Variants in RHOC observed in about 807,000 individuals in gnomAD.
The protein encoded by RHOC is rho-related GTP-binding protein RhoC.
Under a neutral mutation model 19.5 loss-of-function variants are expected in RHOC, and 13 were observed. The ratio of observed to expected loss-of-function variants is 0.67; its 90% CI spans 0.43 to 1.06. The LOEUF (loss-of-function observed/expected upper bound fraction) is 1.06. Ranked by LOEUF, RHOC falls within the 50% of genes least tolerant of loss-of-function variation. The probability of loss-of-function intolerance (pLI) is 0.00; values close to 1 mark genes in which losing one functional copy is unlikely to be tolerated. For missense variants in RHOC, 173 were observed against 256.9 expected, an observed-to-expected ratio of 0.67 and a Z score of 2.23; for synonymous variants, 106 against 97.3, an observed-to-expected ratio of 1.09 and a Z score of -0.52.
chr1:112,706,523 C>CAA (rs1674897544), intron 1 of RHOC, among the ~76,000 whole-genome samples: 2 of 113,768 alleles, frequency 1.8e-5, no homozygotes, highest in Non-Finnish European at 3.6e-5. Flanking sequence ...CACACACACA[C>CAA]ACACACACAC....
At chr1:112,702,972 T>TC in intron 4 of RHOC, 27 bp downstream of exon 4, 1 of 1,613,356 alleles carries the variant, frequency 6.2e-7, no homozygotes, top group African/African-American at 1.3e-5. Context: ...CAAGGGGTTC[T>TC]CAGTCCCCTC....
rs1304057988 is a variant in RHOC, at chr1:112,701,595, C to A, written c.527G>T (p.Arg176Leu). ...GTTCTTGCGGACCTGGAGGCCAGCC[C>A]GAGTGGCCATCTCAAACACCTCCCG... Reference protein sequence around the residue: ...GVREVFEMATRAGLQVRKNKR... With the variant: ...GVREVFEMATLAGLQVRKNKR... Residue 176 changes from arginine to leucine, a missense_variant, in exon 6 of 6, where the codon CGG (arginine) becomes CTG (leucine). By Grantham distance (102) the Arg-to-Leu change is moderately radical (BLOSUM62 -2). Transcript: ENST00000339083. The A allele has an allele frequency of 1.9e-6, 3 of 1,614,054 alleles. No homozygotes were observed. The highest frequency in any genetic ancestry group is 2.5e-6 in the Non-Finnish European group (3 of 1,179,974).
chr1:112,706,458 CACACACCACACACACACACACACA>C (rs1674862477), intron 1 of RHOC, among the ~76,000 whole-genome samples: 39 of 24,886 alleles, frequency 1.6e-3, no homozygotes, highest in African/African-American at 5.2e-3. Context: ...CACACACACA[CACACACCACACACACACACACACA>C]CACACACACA....
rs1275916725 is a variant in RHOC, at chr1:112,702,973, C to CT, written c.277+25_277+26insA. 5.6e-6 allele frequency: 9 copies of CT among 1,612,116 alleles called. No homozygotes were observed. In the East Asian group the frequency reaches 2.0e-4, roughly 36 times the overall value. ...CCTCTGGCTGATTCCAAGGGGTTCT[C>CT]AGTCCCCTCCCTCCAATCCCCTCAC... On this transcript the variant is annotated intron_variant, in intron 4 of 5. Transcript: ENST00000339083.
At chr1:112,705,209 G>A in intron 1 of RHOC, 41 bp from the exon 2 acceptor site, 1 of 701,966 alleles carries the variant, frequency 1.4e-6, no homozygotes, top group Non-Finnish European at 2.6e-6. Context: ...GGGCTGGGAG[G>A]AGCCCCAAAA....
chr1:112,702,428 G>C, intron 5 of RHOC, 135 bp downstream of exon 5: 2 of 916,404 alleles, frequency 2.2e-6, no homozygotes, highest in Admixed American at 4.8e-5. Flanking sequence ...AACCCTATGG[G>C]TCCTCCCTCA....
At chr1:112,702,899 TCCCCAC>T in intron 4 of RHOC, 94 bp downstream of exon 4, 2 of 1,452,212 alleles carry the variant, frequency 1.4e-6, no homozygotes, top group Non-Finnish European at 1.9e-6. Flanking sequence ...CTCCCCTGCA[TCCCCAC>T]CCCCACCTCT....
chr1:112,703,401 A>T, intron 3 of RHOC: 2 of 714,668 alleles, frequency 2.8e-6, no homozygotes, highest in Non-Finnish European at 5.0e-6. Flanking sequence ...CCCATTTTGC[A>T]GGTGGGGGAG....
chr1:112,702,734 A>G (rs767929303), intron 4 of RHOC, 41 bp from the exon 5 acceptor site: 5 of 1,611,812 alleles, frequency 3.1e-6, no homozygotes, highest in Non-Finnish European at 3.4e-6. Context: ...GCCTCCACTT[A>G]AGCTAGAAAG....
intron 3 of RHOC, 42 bp from the exon 4 acceptor site, chr1:112,703,161 A>G (rs373016748): frequency 6.2e-7 from 1 of 1,609,756 alleles, no homozygotes; most frequent in Non-Finnish European, 8.5e-7. Context: ...GAGGGCCCCA[A>G]CCCTGCCACC....
At chr1:112,706,475 CACACACACACACACACACACACACACACA>C in intron 1 of RHOC, among the ~76,000 whole-genome samples, 1 of 3,576 alleles carries the variant, frequency 2.8e-4, no homozygotes, top group Admixed American at 2.8e-3. Context: ...CACACACACA[CACACACACACACACACACACACACACACA>C]CACACACACA....
intron 3 of RHOC, 124 bp from the exon 4 acceptor site, chr1:112,703,243 G>T: frequency 9.7e-7 from 1 of 1,027,622 alleles, no homozygotes; most frequent in Non-Finnish European, 1.4e-6. Flanking sequence ...TATGCACCAG[G>T]CATTATATTA....
Position 112,701,371 on chromosome 1 carries a change from G to C in RHOC, c.*169C>G. 2 of 1,519,122 alleles carry C rather than the reference G, an allele frequency of 1.3e-6. No individual in the cohort carries two copies. The highest frequency in any genetic ancestry group is 1.8e-6 in the Non-Finnish European group (2 of 1,130,114). The allele number at this position is 1,519,122 out of a possible 1,614,324, so 94.1% of individuals were successfully genotyped here. ...AGGCGTGGCTCCCAGAGCGCTGGGA[G>C]GGAGGGCCCGTGCCACCACCTCGGG... On this transcript the variant is annotated 3_prime_UTR_variant, in exon 6 of 6. Transcript: ENST00000339083.
chr1:112,706,454 CACACACACACCACACACACACA>C (rs1674857849), intron 1 of RHOC, among the ~76,000 whole-genome samples: 21 of 95,408 alleles, frequency 2.2e-4, no homozygotes, highest in African/African-American at 6.0e-4. Context: ...CACACACACA[CACACACACACCACACACACACA>C]CACACACACA....
At position 112,705,182 on chromosome 1, in the gene RHOC, G is replaced by T; in HGVS notation, c.-76-14C>A. The T allele has an allele frequency of 4.3e-6, 3 of 702,482 alleles. No individual in the cohort carries two copies. The highest frequency in any genetic ancestry group is 7.8e-6 in the Non-Finnish European group (3 of 384,954). The allele number at this position is 702,482 out of a possible 1,614,324, so 43.5% of individuals were successfully genotyped here. On this transcript the variant is annotated splice_polypyrimidine_tract_variant and intron_variant, in intron 1 of 5. Transcript: ENST00000339083. ...ATGAAGTCAAGGCTGTTGGGAAGGG[G>T]GAGGGGGCTAGAGTCTGGGCTGGGA...
intron 1 of RHOC, among the ~76,000 whole-genome samples, chr1:112,706,435 A>T (rs1010123301): frequency 7.0e-5 from 2 of 28,746 alleles, no homozygotes; most frequent in Non-Finnish European, 1.6e-4. Context: ...CTCTCTACAC[A>T]CACACACACA....
chr1:112,705,033 A>G, intron 2 of RHOC, 67 bp downstream of exon 2: 1 of 699,848 alleles, frequency 1.4e-6, no homozygotes, highest in East Asian at 2.7e-5. Context: ...CACAGCGAGC[A>G]TCTGCACAGT....
chr1:112,702,444 A>T, intron 5 of RHOC, 119 bp downstream of exon 5: 1 of 1,079,358 alleles, frequency 9.3e-7, no homozygotes, highest in East Asian at 2.4e-5. Context: ...CCTCACCAGG[A>T]GATATTACTG....
Position 112,701,203 on chromosome 1 carries a change from C to T in RHOC, c.*337G>A, listed in dbSNP as rs1674611266. 1.7e-6 allele frequency: 1 copy of T among 596,220 alleles called. No homozygotes were observed. The highest frequency in any genetic ancestry group is 2.8e-5 in the East Asian group (1 of 35,292). 36.9% of individuals were successfully genotyped at this position (596,220 alleles called of 1,614,324 possible). A position where few individuals can be genotyped will look rare whatever the true frequency, so the allele number is the denominator to read the frequency against. Reference sequence around the variant, plus strand: ...GAGACAAGGCCCCTGCCGAAAACAACTCCAGGGGCCTGGGACTCTGGGTCC... The same window carrying T: ...GAGACAAGGCCCCTGCCGAAAACAATTCCAGGGGCCTGGGACTCTGGGTCC... On this transcript the variant is annotated 3_prime_UTR_variant, in exon 6 of 6. Transcript: ENST00000339083.
Sources: allele counts gnomAD v4.1 joint callset (sites outside exome capture counted in the v4.1 genomes callset), GRCh38; gene constraint gnomAD v4.1.1; transcripts MANE v1.5; gene names NCBI Gene and HGNC (gene_info 2026-07-23, HGNC 2026-07-21).